The following RGL1 variants were observed in gnomAD, a reference collection of about 807,000 sequenced individuals.
RGL1 encodes ral guanine nucleotide dissociation stimulator-like 1.
In RGL1, 24 loss-of-function variants were observed where a neutral mutation model predicts 95.2. The ratio of observed to expected loss-of-function variants is 0.25; its 90% CI spans 0.18 to 0.35. The LOEUF (loss-of-function observed/expected upper bound fraction) is 0.35, where lower values mean the gene tolerates loss of function less well. RGL1 is among the 10% of genes least tolerant of loss of function. The pLI, the probability that RGL1 is intolerant of heterozygous loss-of-function variation, is 1.00. For missense variants in RGL1, 715 were observed against 936.3 expected (o/e 0.76, Z 3.08); for synonymous variants, 329 against 344.9 (o/e 0.95, Z 0.51).
intron 14 of RGL1, 91 bp from the exon 15 acceptor site, chr1:183,911,991 C>A: frequency 9.0e-7 from 1 of 1,116,858 alleles, no homozygotes; most frequent in Non-Finnish European, 1.3e-6. Context: ...ACTGAAAAAA[C>A]ATCAAGGGCT....
intron 2 of RGL1, among the ~76,000 whole-genome samples, chr1:183,776,192 A>G (rs1183107450): frequency 8.0e-6 from 1 of 124,596 alleles, no homozygotes; most frequent in East Asian, 2.4e-4. Flanking sequence ...TCTGTCGCCC[A>G]GGCTGGAGTG....
At chr1:183,654,289 A>T (rs1650983643) in intron 1 of RGL1, among the ~76,000 whole-genome samples, 2 of 152,136 alleles carry the variant, frequency 1.3e-5, no homozygotes, top group Admixed American at 1.3e-4. Context: ...GCTCTGGCAC[A>T]TGGTCACTGC....
chr1:183,720,808 G>A (rs1463862664), intron 1 of RGL1, among the ~76,000 whole-genome samples: 1 of 152,188 alleles, frequency 6.6e-6, no homozygotes, highest in Non-Finnish European at 1.5e-5. Flanking sequence ...TGCGGCATAG[G>A]AAAATGTCTG....
At chr1:183,897,267 C>T (rs1667753490) in intron 9 of RGL1, among the ~76,000 whole-genome samples, 1 of 152,196 alleles carries the variant, frequency 6.6e-6, no homozygotes, top group Non-Finnish European at 1.5e-5. Flanking sequence ...TGGTGGCTGG[C>T]TCATGCCTGT....
chr1:183,805,987 T>C (rs866918534), intron 1 of RGL1, among the ~76,000 whole-genome samples: 62 of 60,460 alleles, frequency 1.0e-3, no homozygotes, highest in Admixed American at 1.3e-3. Flanking sequence ...TTTTTTTTTT[T>C]TTTTTTTTTT....
chr1:183,721,502 T>C (rs571893244), intron 1 of RGL1, among the ~76,000 whole-genome samples: 180 of 152,286 alleles, frequency 1.2e-3, no homozygotes, highest in African/African-American at 4.3e-3. Flanking sequence ...AAAGGCTCAA[T>C]AGTAAGTATG....
intron 2 of RGL1, among the ~76,000 whole-genome samples, chr1:183,763,293 C>T (rs189214685): frequency 7.2e-4 from 109 of 152,162 alleles, no homozygotes; most frequent in African/African-American, 2.3e-3. Flanking sequence ...ATGTAGATGA[C>T]GGGTTGATGG....
intron 2 of RGL1, among the ~76,000 whole-genome samples, chr1:183,807,600 A>G (rs948970157): frequency 1.3e-5 from 2 of 152,222 alleles, no homozygotes; most frequent in African/African-American, 4.8e-5. Context: ...GCCGGCAGCA[A>G]TCACTTCCTC....
At chr1:183,676,392 T>A (rs1221296480) in intron 1 of RGL1, among the ~76,000 whole-genome samples, 2 of 151,018 alleles carry the variant, frequency 1.3e-5, no homozygotes, top group African/African-American at 4.9e-5. Flanking sequence ...ACCCACATAG[T>A]TGAGCCATTC....
At chr1:183,676,114 T>A (rs762603213) in intron 1 of RGL1, among the ~76,000 whole-genome samples, 48 of 152,272 alleles carry the variant, frequency 3.2e-4, no homozygotes, top group Admixed American at 2.1e-3. Context: ...ACTGCTGCAC[T>A]CTGGCCTGGG....
At chr1:183,816,462 G>A (rs2491444) in intron 2 of RGL1, among the ~76,000 whole-genome samples, 132,455 of 152,140 alleles carry the variant, frequency 0.87, 58,478 homozygotes, top group Non-Finnish European at 0.95. Flanking sequence ...AGCTTATACA[G>A]TGCCTGAGCC....
intron 2 of RGL1, among the ~76,000 whole-genome samples, chr1:183,763,415 G>A (rs1255748880): frequency 2.6e-5 from 4 of 152,056 alleles, no homozygotes; most frequent in Non-Finnish European, 4.4e-5. Flanking sequence ...TATCTACTAA[G>A]TGCTATAAAG....
At chr1:183,749,353 G>A (rs753549865) in intron 2 of RGL1, among the ~76,000 whole-genome samples, 3 of 152,116 alleles carry the variant, frequency 2.0e-5, no homozygotes, top group East Asian at 1.9e-4. Flanking sequence ...TTGTTGCATC[G>A]ATCCCTTTAC....
At chr1:183,796,077 T>C (rs921370087) in intron 2 of RGL1, among the ~76,000 whole-genome samples, 4 of 152,108 alleles carry the variant, frequency 2.6e-5, no homozygotes, top group Admixed American at 2.6e-4. Context: ...ACATTATGTA[T>C]GCTCCTGAGC....
intron 3 of RGL1, among the ~76,000 whole-genome samples, chr1:183,854,162 A>G (rs922803158): frequency 5.9e-5 from 9 of 152,222 alleles, no homozygotes; most frequent in Non-Finnish European, 1.2e-4. Context: ...AAAAGGTTCT[A>G]TAACACAGAG....
chr1:183,665,245 T>C (rs1201079265), intron 1 of RGL1, among the ~76,000 whole-genome samples: 2 of 152,172 alleles, frequency 1.3e-5, no homozygotes, highest in Non-Finnish European at 2.9e-5. Flanking sequence ...AAATCCCACT[T>C]GGTTGTGATG....
At chr1:183,824,394 A>G (rs1339275572) in intron 2 of RGL1, among the ~76,000 whole-genome samples, 1 of 152,040 alleles carries the variant, frequency 6.6e-6, no homozygotes, top group Non-Finnish European at 1.5e-5. Context: ...CACCTTCTCT[A>G]TCTTGGGCTT....
intron 1 of RGL1, among the ~76,000 whole-genome samples, chr1:183,694,657 A>G (rs548270363): frequency 6.6e-6 from 1 of 152,338 alleles, no homozygotes; most frequent in Non-Finnish European, 1.5e-5. Context: ...GGAGTTTACC[A>G]TCTGATTTAT....
At chr1:183,646,084 T>G (rs1213420789) in intron 1 of RGL1, among the ~76,000 whole-genome samples, 1 of 152,234 alleles carries the variant, frequency 6.6e-6, no homozygotes, top group Non-Finnish European at 1.5e-5. Context: ...TGGATCTATT[T>G]TAATAATGAT....
Sources: allele counts gnomAD v4.1 joint callset (sites outside exome capture counted in the v4.1 genomes callset), GRCh38; gene constraint gnomAD v4.1.1; transcripts MANE v1.5; gene names NCBI Gene and HGNC (gene_info 2026-07-23, HGNC 2026-07-21).